Variants in FBXL7 observed in about 807,000 individuals in gnomAD.
FBXL7 encodes F-box/LRR-repeat protein 7.
Under a neutral mutation model 38.3 loss-of-function variants are expected in FBXL7, and 12 were observed. That is an observed-to-expected ratio of 0.31 (90% CI 0.20 to 0.51). The LOEUF is 0.51. FBXL7 is among the 20% of genes least tolerant of loss of function. The probability of loss-of-function intolerance (pLI) is 0.98; values close to 1 mark genes in which losing one functional copy is unlikely to be tolerated. For missense variants in FBXL7, 567 were observed against 676.4 expected (o/e 0.84, Z 1.79); for synonymous variants, 297 against 300.9 (o/e 0.99, Z 0.13).
chr5:15,696,001 G>A (rs914474034), intron 2 of FBXL7, among the ~76,000 whole-genome samples: 1 of 152,154 alleles, frequency 6.6e-6, no homozygotes, highest in Non-Finnish European at 1.5e-5. Context: ...TCGTATCTTC[G>A]CAAAAGAGGC....
chr5:15,583,159 A>C (rs1835130), intron 1 of FBXL7, among the ~76,000 whole-genome samples: 81,696 of 151,868 alleles, frequency 0.54, 22,697 homozygotes, highest in African/African-American at 0.67. Flanking sequence ...ACTTATAAAA[A>C]CATCAGATCT....
In FBXL7 at chr5:15,501,364, C is replaced by G. The variant is rs961762311; in HGVS notation, c.37+651C>G. The G allele has an allele frequency of 1.1e-5, 10 of 945,638 alleles. No homozygotes were observed. In the African/African-American group the frequency reaches 1.8e-4, roughly 17 times the overall value. The allele number at this position is 945,638 out of a possible 1,614,324, so 58.6% of individuals were successfully genotyped here. A position where few individuals can be genotyped will look rare whatever the true frequency, so the allele number is the denominator to read the frequency against. Reference sequence around the variant, plus strand: ...TTGGAAGTTAGGGAAACTTTAAACTCCACCTACTCCTAAAAGGATGATGGA... The same window carrying G: ...TTGGAAGTTAGGGAAACTTTAAACTGCACCTACTCCTAAAAGGATGATGGA... On this transcript the variant is annotated intron_variant, in intron 1 of 3. Coordinates refer to ENST00000504595, the MANE Select transcript of FBXL7 (RefSeq NM_012304.5).
At chr5:15,789,006 G>A (rs191547343) in intron 2 of FBXL7, among the ~76,000 whole-genome samples, 97 of 151,770 alleles carry the variant, frequency 6.4e-4, no homozygotes, top group Admixed American at 3.0e-3. Flanking sequence ...GCCCGCCACC[G>A]CGCCCAGCTA....
intron 2 of FBXL7, among the ~76,000 whole-genome samples, chr5:15,891,600 T>C (rs1186819706): frequency 6.6e-6 from 1 of 152,200 alleles, no homozygotes; most frequent in Non-Finnish European, 1.5e-5. Flanking sequence ...GTATATTATA[T>C]GTCAGATGGT....
chr5:15,802,838 A>G lies in FBXL7; in HGVS notation c.128-125052A>G, dbSNP rs374866211. 7.2e-5 allele frequency among the ~76,000 whole-genome samples: 11 copies of G among 152,108 alleles called. No homozygotes were observed. The South Asian group carries it at 1.5e-3, about 20-fold the overall frequency. ...CTGGCTATTTTTGTATTTTTAGTAG[A>G]CACAGGGTTTCACCATGTTGGCCAG... On this transcript the variant is annotated intron_variant, in intron 2 of 3. Coordinates refer to ENST00000504595, the MANE Select transcript of FBXL7 (RefSeq NM_012304.5).
At chr5:15,858,971 T>C (rs1396747595) in intron 2 of FBXL7, among the ~76,000 whole-genome samples, 8 of 152,190 alleles carry the variant, frequency 5.3e-5, no homozygotes, top group Admixed American at 5.2e-4. Flanking sequence ...ATATCTGATA[T>C]CCATTTTTAA....
chr5:15,841,752 A>G (rs1738751644), intron 2 of FBXL7, among the ~76,000 whole-genome samples: 1 of 152,208 alleles, frequency 6.6e-6, no homozygotes, highest in Non-Finnish European at 1.5e-5. Context: ...TGTAGCTGAA[A>G]GGGGCCAATG....
intron 1 of FBXL7, among the ~76,000 whole-genome samples, chr5:15,549,784 T>C (rs1289719305): frequency 1.3e-5 from 2 of 152,236 alleles, no homozygotes; most frequent in East Asian, 3.8e-4. Flanking sequence ...TTTTGCATGA[T>C]GCCACTCTAA....
At chr5:15,919,851 A>G (rs567912937) in intron 2 of FBXL7, among the ~76,000 whole-genome samples, 2 of 152,322 alleles carry the variant, frequency 1.3e-5, no homozygotes, top group South Asian at 2.1e-4. Flanking sequence ...CATTCTCACC[A>G]TAGAGCCATT....
chr5:15,882,089 G>A (rs189751311), intron 2 of FBXL7, among the ~76,000 whole-genome samples: 42 of 152,174 alleles, frequency 2.8e-4, no homozygotes, highest in African/African-American at 9.4e-4. Flanking sequence ...ATTCACTATC[G>A]TGACGACAGC....
intron 1 of FBXL7, among the ~76,000 whole-genome samples, chr5:15,541,580 C>T (rs1400695498): frequency 2.8e-5 from 4 of 141,840 alleles, no homozygotes; most frequent in Admixed American, 7.1e-5. Flanking sequence ...AATCTCACTC[C>T]GTTTTCCAGG....
intron 1 of FBXL7, among the ~76,000 whole-genome samples, chr5:15,612,235 T>G (rs564995612): frequency 6.6e-6 from 1 of 150,856 alleles, no homozygotes; most frequent in South Asian, 2.1e-4. Context: ...GGAAAAAAAG[T>G]CTAAACAGTT....
intron 2 of FBXL7, among the ~76,000 whole-genome samples, chr5:15,657,882 G>A (rs1368994944): frequency 5.3e-5 from 8 of 151,848 alleles, no homozygotes; most frequent in Non-Finnish European, 1.2e-4. Context: ...AATATTTGCT[G>A]ACTAGGGAGC....
chr5:15,537,579 C>G (rs1202997245), intron 1 of FBXL7, among the ~76,000 whole-genome samples: 2 of 152,216 alleles, frequency 1.3e-5, no homozygotes, highest in Non-Finnish European at 2.9e-5. Flanking sequence ...ATGCACATGC[C>G]TCTCCTTTCC....
intron 2 of FBXL7, among the ~76,000 whole-genome samples, chr5:15,735,106 T>C (rs574479089): frequency 6.6e-6 from 1 of 152,256 alleles, no homozygotes; most frequent in South Asian, 2.1e-4. Flanking sequence ...TAATTTTTTG[T>C]ATTTTTAGTA....
At chr5:15,519,953 A>G (rs1310533185) in intron 1 of FBXL7, among the ~76,000 whole-genome samples, 1 of 152,244 alleles carries the variant, frequency 6.6e-6, no homozygotes, top group African/African-American at 2.4e-5. Context: ...GTGGTACTCC[A>G]TAGACAGGGC....
chr5:15,657,996 CAA>C (rs1741935994), intron 2 of FBXL7, among the ~76,000 whole-genome samples: 1 of 152,062 alleles, frequency 6.6e-6, no homozygotes, highest in Non-Finnish European at 1.5e-5. Context: ...ACTTTGGCCC[CAA>C]GATTAAGATG....
At chr5:15,629,661 A>G (rs928408424) in intron 2 of FBXL7, among the ~76,000 whole-genome samples, 3 of 152,170 alleles carry the variant, frequency 2.0e-5, no homozygotes, top group Non-Finnish European at 4.4e-5. Flanking sequence ...CCTCAATGGT[A>G]TCATTCCTCC....
chr5:15,712,363 A>G (rs1171898413), intron 2 of FBXL7, among the ~76,000 whole-genome samples: 1 of 152,082 alleles, frequency 6.6e-6, no homozygotes, highest in South Asian at 2.1e-4. Context: ...AAAAAAAAAA[A>G]AAAACCTAAA....
Sources: allele counts gnomAD v4.1 joint callset (sites outside exome capture counted in the v4.1 genomes callset), GRCh38; gene constraint gnomAD v4.1.1; transcripts MANE v1.5; gene names NCBI Gene and HGNC (gene_info 2026-07-23, HGNC 2026-07-21).